The following SPNS3 variants were observed in gnomAD, a reference collection of about 807,000 sequenced individuals.
SPNS3 encodes protein spinster homolog 3.
A neutral mutation model predicts 54.4 loss-of-function variants in SPNS3; 51 were observed. The ratio of observed to expected loss-of-function variants is 0.94; its 90% CI spans 0.75 to 1.18. SPNS3 has a LOEUF of 1.18. SPNS3 is among the 50% of genes most tolerant of loss of function. SPNS3 has a pLI of 0.00. For missense variants in SPNS3, 669 were observed against 677.4 expected (o/e 0.99, Z 0.14); for synonymous variants, 309 against 294.7 (o/e 1.05, Z -0.50).
intron 8 of SPNS3, among the ~76,000 whole-genome samples, chr17:4,475,760 A>G (rs1279754265): frequency 6.6e-6 from 1 of 152,160 alleles, no homozygotes; most frequent in East Asian, 1.9e-4. Flanking sequence ...ATGCTCCTGT[A>G]GGAGCAGCTT....
intron 8 of SPNS3, among the ~76,000 whole-genome samples, chr17:4,464,735 C>T (rs1971631869): frequency 6.6e-6 from 1 of 152,056 alleles, no homozygotes; most frequent in Non-Finnish European, 1.5e-5. Flanking sequence ...GGCTGGAGTG[C>T]AGTGGCGCAA....
intron 5 of SPNS3, 126 bp downstream of exon 5, chr17:4,447,088 A>G (rs1971018058): frequency 1.1e-6 from 1 of 944,442 alleles, no homozygotes; most frequent in South Asian, 1.4e-5. Context: ...GGTGGTGGTC[A>G]GGCATCGGCA....
intron 1 of SPNS3, among the ~76,000 whole-genome samples, chr17:4,438,292 GA>G (rs1970764737): frequency 6.6e-6 from 1 of 152,226 alleles, no homozygotes; most frequent in East Asian, 1.9e-4. Context: ...CCCAGCTTCA[GA>G]CGGGCAACCT....
intron 8 of SPNS3, among the ~76,000 whole-genome samples, chr17:4,474,231 CG>C (rs1413641587): frequency 6.6e-6 from 1 of 152,150 alleles, no homozygotes; most frequent in Non-Finnish European, 1.5e-5. Flanking sequence ...GGGCTGCTGC[CG>C]GCCCCTGGAA....
chr17:4,451,938 C>G (rs1285247755), intron 7 of SPNS3, among the ~76,000 whole-genome samples: 1 of 151,930 alleles, frequency 6.6e-6, no homozygotes, highest in South Asian at 2.1e-4. Context: ...CTCGGCCTCC[C>G]AAAGTGCTGG....
intron 8 of SPNS3, among the ~76,000 whole-genome samples, chr17:4,466,962 T>C (rs1971692498): frequency 6.6e-6 from 1 of 152,102 alleles, no homozygotes; most frequent in Admixed American, 6.6e-5. Flanking sequence ...AGGGGAGGCC[T>C]TGTTGAGACG....
At chr17:4,441,421 A>G (rs2144000141) in intron 2 of SPNS3, among the ~76,000 whole-genome samples, 1 of 152,294 alleles carries the variant, frequency 6.6e-6, no homozygotes, top group East Asian at 1.9e-4. Flanking sequence ...TCATGGCTTT[A>G]GAACATGCAT....
rs761810739 is a variant in SPNS3 at position 4,434,052 on chromosome 17, C to A, written c.85C>A (p.Pro29Thr). Residue 29 changes from proline to threonine, a missense_variant, in exon 1 of 12, where the codon CCC (proline) becomes ACC (threonine). Coordinates refer to ENST00000355530, the MANE Select transcript of SPNS3 (RefSeq NM_182538.5). Reference sequence around the variant, plus strand: ...GTCCCCAGGGCCAGGCAGGCAGTGTCCCCCTCCCATCACGCCCACCTCCTG... The same window carrying A: ...GTCCCCAGGGCCAGGCAGGCAGTGTACCCCTCCCATCACGCCCACCTCCTG... ...GQSPGPGRQCPPPITPTSWSL... is the reference protein window; with the variant it reads ...GQSPGPGRQCTPPITPTSWSL... The A allele has an allele frequency of 3.7e-6, 6 of 1,609,762 alleles. No individual in the cohort carries two copies. The South Asian group carries it at 4.4e-5, about 12-fold the overall frequency.
At chr17:4,439,991 G>C (rs1970808821) in intron 2 of SPNS3, among the ~76,000 whole-genome samples, 1 of 152,146 alleles carries the variant, frequency 6.6e-6, no homozygotes, top group Non-Finnish European at 1.5e-5. Context: ...CCTCGCTGTG[G>C]AGCTGGCCAT....
intron 1 of SPNS3, among the ~76,000 whole-genome samples, chr17:4,439,428 G>A (rs79673662): frequency 0.046 from 6,948 of 152,212 alleles, 514 homozygotes; most frequent in African/African-American, 0.16. Flanking sequence ...GCCCAGCCAA[G>A]GGATGCTTGT....
At chr17:4,475,708 G>A (rs1971975111) in intron 8 of SPNS3, among the ~76,000 whole-genome samples, 1 of 152,188 alleles carries the variant, frequency 6.6e-6, no homozygotes, top group Non-Finnish European at 1.5e-5. Context: ...AGTGTGAGGT[G>A]CCTGTGGCCG....
chr17:4,457,011 A>C (rs984691156), intron 8 of SPNS3, among the ~76,000 whole-genome samples: 5 of 152,198 alleles, frequency 3.3e-5, no homozygotes, highest in Non-Finnish European at 7.3e-5. Context: ...CACCACGCCC[A>C]GCCTGGAAGG....
rs1490320398 is a variant in SPNS3 at position 4,446,211 on chromosome 17, C to G, written c.554+12C>G. ...ATCCCCGTTGGAAGGTTGGTATCAC[C>G]CGTGGGTCTACTTCCCCAGGTGGTA... On this transcript the variant is annotated intron_variant, in intron 4 of 11. Transcript: ENST00000355530. 4 of 1,603,272 alleles carry G rather than the reference C, an allele frequency of 2.5e-6. No homozygotes were observed. The Admixed American group carries it at 6.7e-5, about 27-fold the overall frequency.
At position 4,439,845 on chromosome 17, in the gene SPNS3, T is replaced by G. The variant is rs1970804153; in HGVS notation, c.265+122T>G. The G allele has an allele frequency of 1.9e-5, 16 of 859,418 alleles. No individual in the cohort carries two copies. The South Asian group carries it at 2.3e-4, about 12-fold the overall frequency. The allele number at this position is 859,418 out of a possible 1,614,324, so 53.2% of individuals were successfully genotyped here. A position where few individuals can be genotyped will look rare whatever the true frequency, so the allele number is the denominator to read the frequency against. Reference sequence around the variant, plus strand: ...TGGGTCCCCTGGCACAGAGGGTGGGTGGGGTATGGGCCTGAGGGACAGTCT... The same window carrying G: ...TGGGTCCCCTGGCACAGAGGGTGGGGGGGGTATGGGCCTGAGGGACAGTCT... On this transcript the variant is annotated intron_variant, in intron 2 of 11. Transcript: ENST00000355530.
At chr17:4,475,447 C>T (rs1012401554) in intron 8 of SPNS3, among the ~76,000 whole-genome samples, 2 of 152,162 alleles carry the variant, frequency 1.3e-5, no homozygotes, top group Admixed American at 1.3e-4. Context: ...GAGGAACGTG[C>T]GGATGCAAAA....
intron 4 of SPNS3, 21 bp downstream of exon 4, chr17:4,446,220 T>C (rs1970984655): frequency 6.3e-7 from 1 of 1,594,452 alleles, no homozygotes. Context: ...CCCGTGGGTC[T>C]ACTTCCCCAG....
intron 2 of SPNS3, among the ~76,000 whole-genome samples, chr17:4,441,684 A>G (rs1186506032): frequency 6.7e-6 from 1 of 149,384 alleles, no homozygotes; most frequent in Non-Finnish European, 1.5e-5. Context: ...GCAACCTCTG[A>G]CTCCTGGGTT....
chr17:4,443,113 C>T lies in SPNS3; in HGVS notation c.266-1919C>T, dbSNP rs144448232. Among the ~76,000 whole-genome samples, 104 of 152,146 alleles carry T rather than the reference C, an allele frequency of 6.8e-4. 2 individuals carry two copies. Among genetic ancestry groups the T allele is most frequent in the African/African-American group, 2.3e-3 (97 of 41,490 alleles). On this transcript the variant is annotated intron_variant, in intron 2 of 11. Transcript: ENST00000355530. Reference sequence around the variant, plus strand: ...TGAGAGAGACTCTCGCTCTGTCACACAGGCTGGAGTGCAGTGGTGCGATCT... The same window carrying T: ...TGAGAGAGACTCTCGCTCTGTCACATAGGCTGGAGTGCAGTGGTGCGATCT...
intron 8 of SPNS3, among the ~76,000 whole-genome samples, chr17:4,460,735 C>A (rs965033602): frequency 1.3e-4 from 20 of 151,928 alleles, no homozygotes; most frequent in African/African-American, 2.4e-5. Context: ...AGCCACCGTG[C>A]CTGGCTGAAT....
Sources: gnomAD v4.1 joint callset for allele counts (sites outside exome capture counted in the v4.1 genomes callset) on GRCh38, gnomAD v4.1.1 for gene constraint, MANE v1.5 for transcripts, NCBI Gene and HGNC (gene_info 2026-07-23, HGNC 2026-07-21) for gene names.